ZFPM2: variants seen among roughly 807,000 people sequenced by gnomAD.
ZFPM2 encodes the protein zinc finger protein, FOG family member 2.
ZFPM2 carries 20 observed loss-of-function variants against 98.6 expected under a neutral mutation model. The observed-to-expected ratio is 0.20, with a 90% CI of 0.14 to 0.29. The LOEUF is 0.29. Among genes scored for constraint, ZFPM2 ranks in the 10% least tolerant of loss-of-function variants. The probability of loss-of-function intolerance (pLI) is 1.00; values close to 1 mark genes in which losing one functional copy is unlikely to be tolerated. For synonymous variants in ZFPM2, 518 were observed against 502.7 expected, an observed-to-expected ratio of 1.03 and a Z score of -0.41; for missense variants, 1,310 against 1,388.6, an observed-to-expected ratio of 0.94 and a Z score of 0.90.
chr8:105,757,339 A>G (rs1812626825), intron 5 of ZFPM2, among the ~76,000 whole-genome samples: 2 of 152,208 alleles, frequency 1.3e-5, no homozygotes, highest in African/African-American at 2.4e-5. Flanking sequence ...TTTAAAAGAT[A>G]TATTTTTAAA....
rs181802093 is a variant in ZFPM2, at chr8:105,513,245, G to A, written c.302-48118G>A. Reference sequence around the variant, plus strand: ...ATTTTCTACCCTAGATATTTTTTAAGGCCCTTTATGAATTCCAGCTTCTGT... The same window carrying A: ...ATTTTCTACCCTAGATATTTTTTAAAGCCCTTTATGAATTCCAGCTTCTGT... On this transcript the variant is annotated intron_variant, in intron 3 of 7. Coordinates refer to ENST00000407775, the MANE Select transcript of ZFPM2 (RefSeq NM_012082.4). Among the ~76,000 whole-genome samples the A allele has an allele frequency of 4.4e-4, 67 of 152,148 alleles. No homozygotes were observed. In the East Asian group the frequency reaches 0.011, roughly 26 times the overall value.
chr8:105,322,154 C>T lies in ZFPM2; in HGVS notation c.40+3173C>T, dbSNP rs138766635. ...ATATCATGCTATCAGCCCATCTCCCCGCACAGCTGCTCGCTGTTGTTGTTT... is the reference window on the plus strand; with the variant it reads ...ATATCATGCTATCAGCCCATCTCCCTGCACAGCTGCTCGCTGTTGTTGTTT... On this transcript the variant is annotated intron_variant, in intron 1 of 7. Transcript: ENST00000407775. Among the ~76,000 whole-genome samples the T allele has an allele frequency of 4.8e-3, 737 of 152,234 alleles. 4 individuals carry two copies. The highest frequency in any genetic ancestry group is 0.015 in the African/African-American group (611 of 41,532).
In ZFPM2 at chr8:105,318,913, G is replaced by A. The variant is rs1303548919; in HGVS notation, c.-29G>A. ...GCAGCCGCGACCGCGGGCACCGCGG[G>A]AGCCCCAGCGGCAGCAGCCGCCGCC... On this transcript the variant is annotated 5_prime_UTR_variant, in exon 1 of 8. Transcript: ENST00000407775. The A allele has an allele frequency of 3.6e-6, 5 of 1,374,926 alleles. No homozygotes were observed. The highest frequency in any genetic ancestry group is 3.3e-5 in the East Asian group (1 of 30,132). The allele number at this position is 1,374,926 out of a possible 1,614,324, so 85.2% of individuals were successfully genotyped here.
intron 5 of ZFPM2, among the ~76,000 whole-genome samples, chr8:105,668,843 A>G (rs1273868574): frequency 6.6e-6 from 1 of 152,180 alleles, no homozygotes; most frequent in African/African-American, 2.4e-5. Flanking sequence ...CAGGATAATA[A>G]TCATATTTTA....
At chr8:105,333,455 T>A (rs1363248331) in intron 1 of ZFPM2, among the ~76,000 whole-genome samples, 6 of 151,884 alleles carry the variant, frequency 4.0e-5, no homozygotes. Flanking sequence ...GTTTTATAGC[T>A]GCCTATCGAG....
rs1299966481 is a variant in ZFPM2, at chr8:105,668,531, C to T, written c.532+34174C>T. Among the ~76,000 whole-genome samples the T allele has an allele frequency of 1.6e-4, 24 of 151,832 alleles. No individual in the cohort carries two copies. In the East Asian group the frequency reaches 3.9e-3, roughly 24 times the overall value. ...AAAAAAGTGGGGGTACATTTTTGTC[C>T]GCATCTTCTTTTTCAACTGTACCTC... On this transcript the variant is annotated intron_variant, in intron 5 of 7. Transcript: ENST00000407775.
chr8:105,587,999 C>A (rs1357449461), intron 4 of ZFPM2, among the ~76,000 whole-genome samples: 1 of 152,084 alleles, frequency 6.6e-6, no homozygotes, highest in African/African-American at 2.4e-5. Context: ...ACGAGCCCAC[C>A]ACAGGGAAAG....
chr8:105,504,818 G>A (rs1266715891), intron 3 of ZFPM2, among the ~76,000 whole-genome samples: 1 of 152,030 alleles, frequency 6.6e-6, no homozygotes, highest in Admixed American at 6.6e-5. Flanking sequence ...GGGTTCCTAG[G>A]GAAGGGAAAA....
At chr8:105,621,628 A>C (rs1816548635) in intron 4 of ZFPM2, among the ~76,000 whole-genome samples, 1 of 152,176 alleles carries the variant, frequency 6.6e-6, no homozygotes, top group Admixed American at 6.5e-5. Flanking sequence ...TACCAATCAT[A>C]AACTTAAAAT....
intron 3 of ZFPM2, among the ~76,000 whole-genome samples, chr8:105,481,392 C>A (rs1242097214): frequency 6.6e-6 from 1 of 152,074 alleles, no homozygotes; most frequent in East Asian, 1.9e-4. Context: ...GGGCTCCCTT[C>A]CTGGCTTGCA....
intron 1 of ZFPM2, among the ~76,000 whole-genome samples, chr8:105,378,638 A>G (rs80350431): frequency 0.023 from 3,543 of 152,304 alleles, 130 homozygotes; most frequent in African/African-American, 0.081. Context: ...GAGTATATGT[A>G]TATTTCTTTT....
rs767637049 is a variant in ZFPM2 at position 105,802,391 on chromosome 8, G to A, written c.2309G>A (p.Cys770Tyr). 6.2e-7 allele frequency: 1 copy of A among 1,613,690 alleles called. No individual in the cohort carries two copies. Among genetic ancestry groups the A allele is most frequent in the Non-Finnish European group, 8.5e-7 (1 of 1,179,860 alleles). Residue 770 changes from cysteine to tyrosine, a missense_variant, in exon 8 of 8, where the codon TGT (cysteine) becomes TAT (tyrosine). Transcript: ENST00000407775. ...GACGTAGCCAACCTCAATAATCCTTGTACCTCCACTCAAGAACCCACAGAA... is the reference window on the plus strand; with the variant it reads ...GACGTAGCCAACCTCAATAATCCTTATACCTCCACTCAAGAACCCACAGAA... ...FLDVANLNNPCTSTQEPTEGL... is the reference protein window; with the variant it reads ...FLDVANLNNPYTSTQEPTEGL...
chr8:105,461,028 A>T (rs1812695608), intron 3 of ZFPM2, among the ~76,000 whole-genome samples: 1 of 152,076 alleles, frequency 6.6e-6, no homozygotes, highest in Non-Finnish European at 1.5e-5. Context: ...TTATTCATTT[A>T]TAAAAAAATC....
chr8:105,491,990 T>A (rs1196755077), intron 3 of ZFPM2, among the ~76,000 whole-genome samples: 1 of 152,192 alleles, frequency 6.6e-6, no homozygotes, highest in Non-Finnish European at 1.5e-5. Context: ...CCAAGCTCAA[T>A]TGCAAATGTC....
chr8:105,654,534 GT>G (rs1194504407), intron 5 of ZFPM2, among the ~76,000 whole-genome samples: 2 of 151,970 alleles, frequency 1.3e-5, no homozygotes, highest in Non-Finnish European at 2.9e-5. Flanking sequence ...CACAGAGATA[GT>G]CCTGCAGCAT....
intron 3 of ZFPM2, among the ~76,000 whole-genome samples, chr8:105,543,942 T>C (rs1233527681): frequency 6.6e-6 from 1 of 152,144 alleles, no homozygotes; most frequent in Non-Finnish European, 1.5e-5. Context: ...TACAGTGCTG[T>C]AGATATTCTG....
intron 4 of ZFPM2, among the ~76,000 whole-genome samples, chr8:105,585,842 G>GAAAATA (rs1039859913): frequency 6.6e-6 from 1 of 151,646 alleles, no homozygotes; most frequent in Non-Finnish European, 1.5e-5. Context: ...GTCTGTAAAA[G>GAAAATA]AAAATAAAAA....
At chr8:105,380,074 C>T (rs1810814282) in intron 1 of ZFPM2, among the ~76,000 whole-genome samples, 1 of 152,076 alleles carries the variant, frequency 6.6e-6, no homozygotes, top group Non-Finnish European at 1.5e-5. Flanking sequence ...TCATCTTTCA[C>T]CTAGTTCCTA....
At chr8:105,544,064 A>G (rs78089840) in intron 3 of ZFPM2, among the ~76,000 whole-genome samples, 1 of 152,164 alleles carries the variant, frequency 6.6e-6, no homozygotes, top group Non-Finnish European at 1.5e-5. Flanking sequence ...TGTTGATACT[A>G]TACACACTAT....
Sources: allele counts gnomAD v4.1 joint callset (sites outside exome capture counted in the v4.1 genomes callset), GRCh38; gene constraint gnomAD v4.1.1; transcripts MANE v1.5; gene names NCBI Gene and HGNC (gene_info 2026-07-23, HGNC 2026-07-21).